Variants in PPP1R12B observed in about 807,000 individuals in gnomAD.
PPP1R12B encodes the protein myosin phosphatase target subunit 2.
A neutral mutation model predicts 126.1 loss-of-function variants in PPP1R12B; 76 were observed. The observed-to-expected ratio is 0.60, with a 90% confidence interval of 0.50 to 0.73. PPP1R12B has a LOEUF of 0.73. PPP1R12B is among the 30% of genes least tolerant of loss of function. The pLI is 0.00. For synonymous variants in PPP1R12B, 356 were observed against 434.7 expected, an observed-to-expected ratio of 0.82 and a Z score of 2.25; for missense variants, 1,052 against 1,205.1, an observed-to-expected ratio of 0.87 and a Z score of 1.88.
At chr1:202,391,496 T>A (rs1454326102) in intron 1 of PPP1R12B, among the ~76,000 whole-genome samples, 5 of 151,882 alleles carry the variant, frequency 3.3e-5, no homozygotes, top group Non-Finnish European at 5.9e-5. Flanking sequence ...AAGCATAGAG[T>A]TACCATATGA....
At chr1:202,528,052 A>G (rs1254154586) in intron 18 of PPP1R12B, among the ~76,000 whole-genome samples, 1 of 152,196 alleles carries the variant, frequency 6.6e-6, no homozygotes, top group Non-Finnish European at 1.5e-5. Context: ...TTTTAATTCC[A>G]GTTGTAATGA....
intron 18 of PPP1R12B, chr1:202,540,311 T>A: frequency 7.7e-7 from 1 of 1,300,772 alleles, no homozygotes. Context: ...TATATATAAC[T>A]TGGGGCATTA....
intron 1 of PPP1R12B, among the ~76,000 whole-genome samples, chr1:202,366,802 A>G (rs1411388487): frequency 6.6e-6 from 1 of 152,202 alleles, no homozygotes; most frequent in African/African-American, 2.4e-5. Context: ...ATATGGGTGC[A>G]AAACGTAGAA....
chr1:202,498,180 AG>A (rs1205410384), intron 18 of PPP1R12B, among the ~76,000 whole-genome samples: 2 of 152,318 alleles, frequency 1.3e-5, no homozygotes, highest in African/African-American at 4.8e-5. Flanking sequence ...AGTACTTCCT[AG>A]GGAATTTTAC....
At chr1:202,579,603 G>C (rs1224106998) in intron 23 of PPP1R12B, among the ~76,000 whole-genome samples, 1 of 152,182 alleles carries the variant, frequency 6.6e-6, no homozygotes, top group Non-Finnish European at 1.5e-5. Context: ...GATGGAACTT[G>C]AGGCTATTTT....
intron 18 of PPP1R12B, among the ~76,000 whole-genome samples, chr1:202,552,259 C>T (rs1230799337): frequency 1.3e-5 from 2 of 152,126 alleles, no homozygotes; most frequent in African/African-American, 4.8e-5. Flanking sequence ...TATGCAGGAT[C>T]CCCAGATAAA....
intron 18 of PPP1R12B, among the ~76,000 whole-genome samples, chr1:202,503,683 T>C (rs750819159): frequency 1.2e-4 from 18 of 152,158 alleles, no homozygotes; most frequent in Non-Finnish European, 1.3e-4. Flanking sequence ...TCCTGGTACC[T>C]GACCCTGAGA....
intron 12 of PPP1R12B, among the ~76,000 whole-genome samples, chr1:202,446,256 ATTT>A (rs71142531): frequency 3.7e-5 from 2 of 54,340 alleles, no homozygotes; most frequent in Non-Finnish European, 6.3e-5. Context: ...ATATATATAT[ATTT>A]TTTTTTTTTT....
chr1:202,515,314 A>T (rs1682002746), intron 18 of PPP1R12B, among the ~76,000 whole-genome samples: 1 of 152,194 alleles, frequency 6.6e-6, no homozygotes, highest in African/African-American at 2.4e-5. Context: ...TTGTTTTTTT[A>T]AAAAAGAGTA....
At chr1:202,483,406 G>A (rs1186689067) in intron 13 of PPP1R12B, among the ~76,000 whole-genome samples, 1 of 150,974 alleles carries the variant, frequency 6.6e-6, no homozygotes, top group Non-Finnish European at 1.5e-5. Context: ...ATAAACCTAT[G>A]GAAGAGCTTC....
At chr1:202,538,502 A>G (rs758996795) in intron 18 of PPP1R12B, among the ~76,000 whole-genome samples, 1 of 152,220 alleles carries the variant, frequency 6.6e-6, no homozygotes, top group Non-Finnish European at 1.5e-5. Flanking sequence ...TTAATTTCAC[A>G]AAGTTAATCA....
At chr1:202,544,206 A>T (rs1471347017) in intron 18 of PPP1R12B, among the ~76,000 whole-genome samples, 1 of 152,018 alleles carries the variant, frequency 6.6e-6, no homozygotes, top group Non-Finnish European at 1.5e-5. Flanking sequence ...TTCCAACATT[A>T]AAAAAAATTA....
intron 13 of PPP1R12B, chr1:202,471,809 A>G (rs1399084637): frequency 1.7e-6 from 2 of 1,143,520 alleles, no homozygotes; most frequent in African/African-American, 3.5e-5. Context: ...TTTTTTTTTT[A>G]TCCAAAATGT....
rs1013468932 is a variant in PPP1R12B, at chr1:202,567,755, T to A, written c.2758-23T>A. On this transcript the variant is annotated intron_variant, in intron 21 of 23. Coordinates refer to ENST00000608999, the MANE Select transcript of PPP1R12B (RefSeq NM_002481.4). Reference sequence around the variant, plus strand: ...GCCCTTAGACAACTTAAATAACAACTGTTTTCCTTCCATTTGCACCAGCAG... The same window carrying A: ...GCCCTTAGACAACTTAAATAACAACAGTTTTCCTTCCATTTGCACCAGCAG... 1.9e-6 allele frequency: 3 copies of A among 1,613,176 alleles called. No individual in the cohort carries two copies. In the African/African-American group the frequency reaches 4.0e-5, roughly 22 times the overall value.
At chr1:202,489,783 T>C (rs1678627424) in intron 14 of PPP1R12B, among the ~76,000 whole-genome samples, 1 of 152,192 alleles carries the variant, frequency 6.6e-6, no homozygotes, top group Non-Finnish European at 1.5e-5. Context: ...TATAACTCTG[T>C]GAATAAACTA....
At chr1:202,482,112 A>T (rs1677467936) in intron 13 of PPP1R12B, among the ~76,000 whole-genome samples, 1 of 151,784 alleles carries the variant, frequency 6.6e-6, no homozygotes, top group Non-Finnish European at 1.5e-5. Context: ...TCCATTCTGG[A>T]TATACACATT....
At position 202,437,974 on chromosome 1, in the gene PPP1R12B, C is replaced by T. The variant is rs766018679; in HGVS notation, c.1408C>T (p.Arg470Cys). Residue 470 changes from arginine to cysteine, a missense_variant, in exon 10 of 24, where the codon CGC (arginine) becomes TGC (cysteine). Physicochemically the swap from Arg to Cys is radical, Grantham distance 180 (BLOSUM62 -3). Transcript: ENST00000608999. ...PIRDRGSSIY[R>C]SSSSPRISAL... The stretch of plus-strand genomic sequence containing the variant: ...AAGGGACCGAGGCTCTTCCATCTAT[C>T]GCTCCTCTTCAAGCCCTCGGATTTC... 8.7e-6 allele frequency: 14 copies of T among 1,613,964 alleles called. No homozygotes were observed. Among genetic ancestry groups the T allele is most frequent in the East Asian group, 4.5e-5 (2 of 44,886 alleles).
rs1383997078 is a variant in PPP1R12B, at chr1:202,567,850, C to A, written c.2811+19C>A. Reference sequence around the variant, plus strand: ...GAAACGGGTATGCGCATGTCTGTTTCCCCCTCCACCCCATTTCATCTCTTC... The same window carrying A: ...GAAACGGGTATGCGCATGTCTGTTTACCCCTCCACCCCATTTCATCTCTTC... On this transcript the variant is annotated intron_variant, in intron 22 of 23. Transcript: ENST00000608999. 3 of 1,611,688 alleles carry A rather than the reference C, an allele frequency of 1.9e-6. No individual in the cohort carries two copies. The African/African-American group carries it at 4.0e-5, about 22-fold the overall frequency.
intron 4 of PPP1R12B, among the ~76,000 whole-genome samples, chr1:202,426,753 G>A (rs780886764): frequency 4.6e-5 from 7 of 152,112 alleles, no homozygotes; most frequent in Non-Finnish European, 1.0e-4. Context: ...TTATGCTTTG[G>A]TTAATCTTAG....
Sources: gnomAD v4.1 joint callset for allele counts (sites outside exome capture counted in the v4.1 genomes callset) on GRCh38, gnomAD v4.1.1 for gene constraint, MANE v1.5 for transcripts, NCBI Gene and HGNC (gene_info 2026-07-23, HGNC 2026-07-21) for gene names.